The following SPIRE1 variants were observed in gnomAD, a reference collection of about 807,000 sequenced individuals.
SPIRE1 encodes the protein spire type actin nucleation factor 1, also known as protein spire homolog 1.
Under a neutral mutation model 94.1 loss-of-function variants are expected in SPIRE1, and 40 were observed. The ratio of observed to expected loss-of-function variants is 0.43; its 90% CI spans 0.33 to 0.55. The LOEUF (loss-of-function observed/expected upper bound fraction) is 0.55, where lower values mean the gene tolerates loss of function less well. Ranked by LOEUF, SPIRE1 falls within the 20% of genes least tolerant of loss-of-function variation. SPIRE1 has a pLI of 0.06. For synonymous variants in SPIRE1, 376 were observed against 371.7 expected, an observed-to-expected ratio of 1.01 and a Z score of -0.13; for missense variants, 838 against 975.2, an observed-to-expected ratio of 0.86 and a Z score of 1.87.
At chr18:12,650,943 T>C (rs1214284751) in intron 1 of SPIRE1, among the ~76,000 whole-genome samples, 1 of 150,924 alleles carries the variant, frequency 6.6e-6, no homozygotes, top group Non-Finnish European at 1.5e-5. Flanking sequence ...ATTTTGCAAA[T>C]GAACATCTAA....
chr18:12,612,943 C>T (rs567336934), intron 2 of SPIRE1, among the ~76,000 whole-genome samples: 1 of 152,282 alleles, frequency 6.6e-6, no homozygotes, highest in South Asian at 2.1e-4. Context: ...ACCATCACTA[C>T]CACCATTATG....
chr18:12,629,537 A>C (rs2037720371), intron 2 of SPIRE1, among the ~76,000 whole-genome samples: 2 of 152,200 alleles, frequency 1.3e-5, no homozygotes, highest in South Asian at 4.1e-4. Context: ...GAAGGGAGAA[A>C]TATGGGTCAC....
At chr18:12,547,428 C>T (rs565477865) in intron 2 of SPIRE1, among the ~76,000 whole-genome samples, 5 of 152,270 alleles carry the variant, frequency 3.3e-5, no homozygotes, top group African/African-American at 9.6e-5. Flanking sequence ...CCCTACCACA[C>T]ACCTCCATCA....
intron 1 of SPIRE1, among the ~76,000 whole-genome samples, chr18:12,641,164 TA>T (rs1320731958): frequency 2.0e-5 from 3 of 152,162 alleles, no homozygotes; most frequent in Non-Finnish European, 4.4e-5. Context: ...TCAAGAATAA[TA>T]TTCTCAAACA....
Position 12,480,040 on chromosome 18 carries a change from A to G in SPIRE1, c.1232-169T>C, listed in dbSNP as rs536099702. 3.8e-4 allele frequency among the ~76,000 whole-genome samples: 58 copies of G among 152,222 alleles called. 2 individuals carry two copies. Among genetic ancestry groups the G allele is most frequent in the Non-Finnish European group, 2.1e-4 (14 of 68,034 alleles). Reference sequence around the variant, plus strand: ...GGTTGGATATTAACTGTCAAATTCAATTAAAGGAAACTTTAAAATGAATAA... The same window carrying G: ...GGTTGGATATTAACTGTCAAATTCAGTTAAAGGAAACTTTAAAATGAATAA... On this transcript the variant is annotated intron_variant, in intron 9 of 16. Coordinates refer to ENST00000409402, the MANE Select transcript of SPIRE1 (RefSeq NM_001128626.2).
At chr18:12,457,846 CTTTTTTTTTTT>C (rs201510377) in intron 12 of SPIRE1, among the ~76,000 whole-genome samples, 1 of 132,260 alleles carries the variant, frequency 7.6e-6, no homozygotes, top group Non-Finnish European at 1.6e-5. Flanking sequence ...TTTCTTTTTT[CTTTTTTTTTTT>C]TTTTTGAGAT....
intron 4 of SPIRE1, among the ~76,000 whole-genome samples, chr18:12,535,185 C>T (rs1241658677): frequency 6.6e-6 from 1 of 152,166 alleles, no homozygotes; most frequent in Non-Finnish European, 1.5e-5. Flanking sequence ...GAAAGCAAGT[C>T]ACATGAGAAT....
chr18:12,572,206 C>A (rs551285204), intron 2 of SPIRE1, among the ~76,000 whole-genome samples: 33 of 152,258 alleles, frequency 2.2e-4, no homozygotes, highest in Non-Finnish European at 3.8e-4. Flanking sequence ...GTCAATTACA[C>A]AATCACACAG....
intron 8 of SPIRE1, among the ~76,000 whole-genome samples, chr18:12,487,457 T>C (rs1383148202): frequency 6.7e-6 from 1 of 150,318 alleles, no homozygotes; most frequent in East Asian, 2.0e-4. Context: ...TGGAGTGCAG[T>C]GGCTGCAGTG....
intron 4 of SPIRE1, among the ~76,000 whole-genome samples, chr18:12,521,128 A>C (rs1014472053): frequency 6.6e-6 from 1 of 152,202 alleles, no homozygotes; most frequent in Admixed American, 6.5e-5. Context: ...ATTTTAGAAA[A>C]CACTGTTTTT....
intron 2 of SPIRE1, among the ~76,000 whole-genome samples, chr18:12,613,899 A>T (rs1387816517): frequency 8.5e-5 from 13 of 152,180 alleles, no homozygotes. Context: ...CTCAAAAAAA[A>T]CAATAATAAT....
At chr18:12,643,525 G>C (rs1340065190) in intron 1 of SPIRE1, among the ~76,000 whole-genome samples, 1 of 152,102 alleles carries the variant, frequency 6.6e-6, no homozygotes, top group Non-Finnish European at 1.5e-5. Flanking sequence ...AGACAACCTA[G>C]CCAACAAGAG....
At chr18:12,453,009 A>T in intron 14 of SPIRE1, 59 bp downstream of exon 14, 1 of 1,087,778 alleles carries the variant, frequency 9.2e-7, no homozygotes, top group Non-Finnish European at 1.3e-6. Flanking sequence ...AAGGAAGATA[A>T]TTGGTATTTC....
intron 4 of SPIRE1, among the ~76,000 whole-genome samples, chr18:12,535,214 A>G (rs780724161): frequency 4.4e-4 from 67 of 152,232 alleles, no homozygotes; most frequent in Admixed American, 2.6e-4. Flanking sequence ...CTAGTTCAGT[A>G]GCATTTATTT....
At chr18:12,478,375 AGAGT>A (rs1047397859) in intron 10 of SPIRE1, among the ~76,000 whole-genome samples, 3 of 134,202 alleles carry the variant, frequency 2.2e-5, no homozygotes, top group East Asian at 2.3e-4. Context: ...GTATGAAGCT[AGAGT>A]GTGTGTGTGC....
chr18:12,597,278 A>C (rs2036704330), intron 2 of SPIRE1, among the ~76,000 whole-genome samples: 1 of 151,790 alleles, frequency 6.6e-6, no homozygotes, highest in African/African-American at 2.4e-5. Context: ...GTTGAAAGTG[A>C]TCCCCCATTC....
chr18:12,450,525 A>G, intron 16 of SPIRE1: 1 of 556,636 alleles, frequency 1.8e-6, no homozygotes, highest in Non-Finnish European at 3.2e-6. Flanking sequence ...AGAGAAGAAC[A>G]TAAGAAGAAG....
At chr18:12,657,023 A>T (rs981978887) in intron 1 of SPIRE1, among the ~76,000 whole-genome samples, 1 of 152,254 alleles carries the variant, frequency 6.6e-6, no homozygotes, top group Non-Finnish European at 1.5e-5. Context: ...AAGGCTGTCT[A>T]ATGTGGAATA....
intron 2 of SPIRE1, among the ~76,000 whole-genome samples, chr18:12,569,435 G>A (rs1158495814): frequency 2.0e-5 from 3 of 152,082 alleles, no homozygotes; most frequent in Non-Finnish European, 2.9e-5. Flanking sequence ...ACTGGATTGA[G>A]GGAATGTCTA....
Sources: allele counts gnomAD v4.1 joint callset (sites outside exome capture counted in the v4.1 genomes callset), GRCh38; gene constraint gnomAD v4.1.1; transcripts MANE v1.5; gene names NCBI Gene and HGNC (gene_info 2026-07-23, HGNC 2026-07-21).